Variants in DLG2 observed in about 807,000 individuals in gnomAD.
The protein encoded by DLG2 is discs large MAGUK scaffold protein 2.
In DLG2, 45 loss-of-function variants were observed where a neutral mutation model predicts 132.5. That is an observed-to-expected ratio of 0.34 (90% confidence interval 0.27 to 0.44). DLG2 has a LOEUF of 0.44. Among genes scored for constraint, DLG2 ranks in the 20% least tolerant of loss-of-function variants. The probability of loss-of-function intolerance (pLI) is 1.00; values close to 1 mark genes in which losing one functional copy is unlikely to be tolerated. For missense variants in DLG2, 1,045 were observed against 1,196.9 expected, an observed-to-expected ratio of 0.87 and a Z score of 1.87; for synonymous variants, 424 against 419.6, an observed-to-expected ratio of 1.01 and a Z score of -0.13.
intron 16 of DLG2, among the ~76,000 whole-genome samples, chr11:83,851,548 A>T (rs1016018702): frequency 4.1e-5 from 6 of 147,960 alleles, no homozygotes; most frequent in Non-Finnish European, 8.9e-5. Flanking sequence ...AATTGCTTGA[A>T]CTCGGGAGGC....
chr11:85,420,877 G>A (rs1242092666), intron 3 of DLG2, among the ~76,000 whole-genome samples: 2 of 152,172 alleles, frequency 1.3e-5, no homozygotes, highest in Admixed American at 1.3e-4. Context: ...TGGGCTCCCT[G>A]GCCGCAGGAT....
intron 19 of DLG2, among the ~76,000 whole-genome samples, chr11:83,628,787 T>G (rs2063065650): frequency 6.6e-6 from 1 of 152,192 alleles, no homozygotes; most frequent in African/African-American, 2.4e-5. Flanking sequence ...CCGTGTTATC[T>G]GCCTGGCATG....
chr11:84,390,792 C>T (rs2098790041), intron 7 of DLG2, among the ~76,000 whole-genome samples: 2 of 152,116 alleles, frequency 1.3e-5, no homozygotes, highest in South Asian at 4.1e-4. Flanking sequence ...ATAGGTGATA[C>T]CATGGTAACC....
intron 15 of DLG2, among the ~76,000 whole-genome samples, chr11:83,926,066 A>C (rs2078918907): frequency 6.6e-6 from 1 of 151,910 alleles, no homozygotes; most frequent in Admixed American, 6.6e-5. Flanking sequence ...CACTGTGCCA[A>C]GTAATTTAAA....
intron 7 of DLG2, among the ~76,000 whole-genome samples, chr11:84,279,217 G>T (rs767206271): frequency 6.6e-6 from 1 of 152,190 alleles, no homozygotes; most frequent in Non-Finnish European, 1.5e-5. Context: ...TATGAAAAAA[G>T]CTCATCATCA....
chr11:85,227,257 A>G (rs1366032040), intron 4 of DLG2, among the ~76,000 whole-genome samples: 2 of 152,158 alleles, frequency 1.3e-5, no homozygotes, highest in African/African-American at 4.8e-5. Context: ...AAATAAAATT[A>G]TTTAAGTTAT....
intron 19 of DLG2, among the ~76,000 whole-genome samples, chr11:83,616,135 CCTATT>C (rs1437263844): frequency 5.9e-5 from 9 of 152,038 alleles, no homozygotes; most frequent in African/African-American, 2.2e-4. Context: ...AATTTATTTA[CCTATT>C]CTATTGTTGA....
At chr11:85,152,487 C>T (rs1482073351) in intron 5 of DLG2, among the ~76,000 whole-genome samples, 1 of 152,124 alleles carries the variant, frequency 6.6e-6, no homozygotes, top group Non-Finnish European at 1.5e-5. Context: ...GATCCACCCA[C>T]CTTGGCCTCC....
At chr11:84,952,268 G>A (rs1252182054) in intron 6 of DLG2, among the ~76,000 whole-genome samples, 4 of 152,288 alleles carry the variant, frequency 2.6e-5, no homozygotes, top group South Asian at 2.1e-4. Flanking sequence ...AGAACTGGCC[G>A]GGCGCGGTGG....
chr11:85,458,634 G>C (rs908068812), intron 3 of DLG2, among the ~76,000 whole-genome samples: 1 of 152,166 alleles, frequency 6.6e-6, no homozygotes, highest in African/African-American at 2.4e-5. Context: ...CTGAGGCTTT[G>C]TGCAAGGTCT....
intron 6 of DLG2, among the ~76,000 whole-genome samples, chr11:84,665,199 T>C (rs2099698620): frequency 6.6e-6 from 1 of 152,154 alleles, no homozygotes; most frequent in Non-Finnish European, 1.5e-5. Context: ...TTATCACAGC[T>C]GACCAACACA....
At chr11:85,083,994 TTTA>T (rs1181719456) in intron 6 of DLG2, among the ~76,000 whole-genome samples, 1 of 151,984 alleles carries the variant, frequency 6.6e-6, no homozygotes, top group African/African-American at 2.4e-5. Context: ...GGCTTGGAGT[TTTA>T]TTTTTGGTTG....
Position 84,533,905 on chromosome 11 carries a change from CAAAAAAAAAAAAAAAAAAA to C in DLG2, c.519+646_519+664del, listed in dbSNP as rs558597260. Among the ~76,000 whole-genome samples the C allele has an allele frequency of 1.6e-3, 111 of 70,288 alleles. 1 individual carries two copies. The East Asian group carries it at 0.036, about 23-fold the overall frequency. 46.1% of individuals were successfully genotyped at this position (70,288 alleles called of 152,430 possible). A position where few individuals can be genotyped will look rare whatever the true frequency, so the allele number is the denominator to read the frequency against. The stretch of plus-strand genomic sequence containing the variant: ...CAAAATCCAGTAGCGCCAGTTCAGC[CAAAAAAAAAAAAAAAAAAA>C]AAAAAAAAAAAAATCAGAGTAATTT... On this transcript the variant is annotated intron_variant, in intron 7 of 27. Coordinates refer to ENST00000376104, the MANE Select transcript of DLG2 (RefSeq NM_001142699.3).
At chr11:83,478,988 T>C (rs554041636) in intron 22 of DLG2, among the ~76,000 whole-genome samples, 2 of 152,102 alleles carry the variant, frequency 1.3e-5, no homozygotes, top group East Asian at 3.9e-4. Flanking sequence ...ATTATAAAAG[T>C]ATAAAGAATG....
intron 6 of DLG2, among the ~76,000 whole-genome samples, chr11:84,722,692 C>G (rs1400602658): frequency 6.6e-6 from 1 of 152,124 alleles, no homozygotes; most frequent in Admixed American, 6.6e-5. Flanking sequence ...TAAGACTTAT[C>G]TGAAGGAAAC....
intron 6 of DLG2, among the ~76,000 whole-genome samples, chr11:84,837,604 G>C (rs2079994239): frequency 6.6e-6 from 1 of 151,694 alleles, no homozygotes; most frequent in Non-Finnish European, 1.5e-5. Flanking sequence ...ACCATTGTGT[G>C]ATTTTATGAT....
At chr11:83,596,946 C>G (rs2057693389) in intron 19 of DLG2, among the ~76,000 whole-genome samples, 1 of 151,986 alleles carries the variant, frequency 6.6e-6, no homozygotes, top group South Asian at 2.1e-4. Flanking sequence ...TAGTTCCTAC[C>G]TTAGATTCCT....
intron 6 of DLG2, among the ~76,000 whole-genome samples, chr11:84,565,049 T>G (rs1474857568): frequency 6.6e-6 from 1 of 152,152 alleles, no homozygotes; most frequent in Non-Finnish European, 1.5e-5. Context: ...CTTCCTGATA[T>G]TACTCCTTCC....
At chr11:83,562,283 C>G (rs1273365947) in intron 19 of DLG2, among the ~76,000 whole-genome samples, 3 of 152,214 alleles carry the variant, frequency 2.0e-5, no homozygotes, top group African/African-American at 4.8e-5. Flanking sequence ...CGCTTTAACT[C>G]TTAGAATCAA....
Sources: gnomAD v4.1 joint callset for allele counts (sites outside exome capture counted in the v4.1 genomes callset) on GRCh38, gnomAD v4.1.1 for gene constraint, MANE v1.5 for transcripts, NCBI Gene and HGNC (gene_info 2026-07-23, HGNC 2026-07-21) for gene names.